The following RIMS1 variants were observed in gnomAD, a reference collection of about 807,000 sequenced individuals.
RIMS1 encodes the protein regulating synaptic membrane exocytosis 1.
A neutral mutation model predicts 214.1 loss-of-function variants in RIMS1; 83 were observed. The observed-to-expected ratio is 0.39, with a 90% CI of 0.32 to 0.47. The LOEUF (loss-of-function observed/expected upper bound fraction) is 0.47. Ranked by LOEUF, RIMS1 falls within the 20% of genes least tolerant of loss-of-function variation. The probability of loss-of-function intolerance (pLI) is 0.99; values close to 1 mark genes in which losing one functional copy is unlikely to be tolerated. For missense variants in RIMS1, 2,050 were observed against 2,161.8 expected (o/e 0.95, Z 1.03); for synonymous variants, 793 against 786.8 (o/e 1.01, Z -0.13).
At position 72,013,628 on chromosome 6, in the gene RIMS1, T is replaced by A. The variant is rs187343168; in HGVS notation, c.245+44565T>A. The stretch of plus-strand genomic sequence containing the variant: ...GCAGTGACGTTTATAAGGCTAGGTC[T>A]GTCATTTTACTTCTTGGCTCAGTTT... On this transcript the variant is annotated intron_variant, in intron 2 of 33. Transcript: ENST00000521978. Among the ~76,000 whole-genome samples, 799 of 152,326 alleles carry A rather than the reference T, an allele frequency of 5.2e-3. 4 individuals carry two copies. Among genetic ancestry groups the A allele is most frequent in the Middle Eastern group, 0.01 (3 of 294 alleles).
chr6:72,054,046 G>C (rs1041473586), intron 2 of RIMS1, among the ~76,000 whole-genome samples: 2 of 152,000 alleles, frequency 1.3e-5, no homozygotes, highest in African/African-American at 4.8e-5. Flanking sequence ...GCATGCATTA[G>C]CTATTTGTCC....
At chr6:72,274,767 A>G (rs937962968) in intron 23 of RIMS1, among the ~76,000 whole-genome samples, 3 of 152,146 alleles carry the variant, frequency 2.0e-5, no homozygotes, top group African/African-American at 7.2e-5. Context: ...GCTTTAGAGT[A>G]TATTAAAATC....
chr6:72,122,919 A>G (rs889505875), intron 4 of RIMS1, among the ~76,000 whole-genome samples: 14 of 151,536 alleles, frequency 9.2e-5, no homozygotes, highest in African/African-American at 2.7e-4. Context: ...TTTTCGAAAA[A>G]CCAGCTCCTG....
chr6:72,239,039 G>T (rs2065534809), intron 9 of RIMS1, among the ~76,000 whole-genome samples: 1 of 151,984 alleles, frequency 6.6e-6, no homozygotes, highest in South Asian at 2.1e-4. Flanking sequence ...TTCTTATGAA[G>T]GACCAGTTAT....
rs146317847 is a variant in RIMS1, at chr6:72,051,694, A to G, written c.246-45255A>G. Reference sequence around the variant, plus strand: ...CTTGGTATCAACTACAAGACAGTAAATCACTGACCCCAGAGATGGTAAGAT... The same window carrying G: ...CTTGGTATCAACTACAAGACAGTAAGTCACTGACCCCAGAGATGGTAAGAT... On this transcript the variant is annotated intron_variant, in intron 2 of 33. Transcript: ENST00000521978. Among the ~76,000 whole-genome samples, 260 of 152,292 alleles carry G rather than the reference A, an allele frequency of 1.7e-3. 2 individuals carry two copies. The highest frequency in any genetic ancestry group is 3.1e-3 in the Non-Finnish European group (211 of 68,012).
chr6:72,216,720 C>T, intron 6 of RIMS1: 1 of 985,964 alleles, frequency 1.0e-6, no homozygotes, highest in Non-Finnish European at 1.2e-6. Flanking sequence ...TCAGTGGGAA[C>T]AAGATGAGCT....
chr6:72,333,757 C>T lies in RIMS1; in HGVS notation c.4288C>T (p.Arg1430Trp), dbSNP rs754285811. 5 of 1,599,460 alleles carry T rather than the reference C, an allele frequency of 3.1e-6. No individual in the cohort carries two copies. The highest frequency in any genetic ancestry group is 1.7e-5 in the Admixed American group (1 of 58,018). Residue 1430 changes from arginine to tryptophan, a missense_variant, in exon 29 of 34, where the codon CGG becomes TGG. Arg to Trp is a moderately radical substitution (Grantham distance 101). Coordinates refer to ENST00000521978, the MANE Select transcript of RIMS1 (RefSeq NM_014989.7). ...TACAGTTGGAGCAGGTGGAAAGAAACGGAGATCCAGCCTTAGTGCCAAAGT... is the reference window on the plus strand; with the variant it reads ...TACAGTTGGAGCAGGTGGAAAGAAATGGAGATCCAGCCTTAGTGCCAAAGT... Reference protein sequence around the residue: ...VGTVGAGGKKRRSSLSAKVVA... With the variant: ...VGTVGAGGKKWRSSLSAKVVA...
intron 1 of RIMS1, among the ~76,000 whole-genome samples, chr6:71,912,657 G>A (rs758911949): frequency 5.3e-5 from 8 of 152,022 alleles, no homozygotes; most frequent in East Asian, 1.9e-4. Flanking sequence ...AAGAGGTCTC[G>A]ATGAAACATT....
At chr6:71,921,439 T>C (rs1779957798) in intron 1 of RIMS1, among the ~76,000 whole-genome samples, 2 of 152,286 alleles carry the variant, frequency 1.3e-5, no homozygotes, top group African/African-American at 4.8e-5. Context: ...AGCTACTTTC[T>C]TGTCAAAGGG....
At chr6:72,068,744 T>G (rs1289264839) in intron 2 of RIMS1, among the ~76,000 whole-genome samples, 2 of 151,806 alleles carry the variant, frequency 1.3e-5, no homozygotes, top group East Asian at 3.9e-4. Flanking sequence ...ACCCCATCTC[T>G]CCTAAAAATA....
intron 4 of RIMS1, among the ~76,000 whole-genome samples, chr6:72,105,607 G>A (rs1464906344): frequency 6.6e-6 from 1 of 152,030 alleles, no homozygotes; most frequent in East Asian, 1.9e-4. Context: ...AATATGCAAT[G>A]CAGATAATAA....
intron 4 of RIMS1, among the ~76,000 whole-genome samples, chr6:72,162,848 A>G (rs1475521788): frequency 7.2e-6 from 1 of 139,468 alleles, no homozygotes; most frequent in East Asian, 2.0e-4. Flanking sequence ...ACTTTGGTGA[A>G]TCTGACAATT....
Position 72,096,975 on chromosome 6 carries a change from A to G in RIMS1, c.272A>G (p.Tyr91Cys). The G allele has an allele frequency of 2.5e-6, 4 of 1,613,750 alleles. No individual in the cohort carries two copies. The highest frequency in any genetic ancestry group is 2.2e-5 in the South Asian group (2 of 91,030). ...SPRLHQQFES[Y>C]KEQVRKIGEE... ...AGATTGCATCAACAGTTTGAAAGCT[A>G]TAAGGAACAAGTGAGAAAAATAGGG... Residue 91 changes from tyrosine (Y) to cysteine (C), a missense_variant, in exon 3 of 34, where the codon TAT becomes TGT. Transcript: ENST00000521978.
rs568758893 is a variant in RIMS1, at chr6:72,267,750, TATA to T, written c.3398+1703_3398+1705del. Among the ~76,000 whole-genome samples the T allele has an allele frequency of 1.1e-3, 162 of 152,262 alleles. 1 individual carries two copies. In the South Asian group the frequency reaches 0.028, roughly 26 times the overall value. The stretch of plus-strand genomic sequence containing the variant: ...CTTGTGACACTGAAGCCACAGAGTT[TATA>T]AATCTCCATGTTGGCAAATTTAATC... On this transcript the variant is annotated intron_variant, in intron 22 of 33. Coordinates refer to ENST00000521978, the MANE Select transcript of RIMS1 (RefSeq NM_014989.7).
At chr6:72,123,734 C>A (rs999293330) in intron 4 of RIMS1, among the ~76,000 whole-genome samples, 3 of 151,824 alleles carry the variant, frequency 2.0e-5, no homozygotes, top group Admixed American at 1.3e-4. Flanking sequence ...TAATGGCCTT[C>A]TTTGTCTCTT....
intron 1 of RIMS1, among the ~76,000 whole-genome samples, chr6:71,930,403 T>C (rs1323733693): frequency 6.6e-6 from 1 of 152,014 alleles, no homozygotes; most frequent in Admixed American, 6.6e-5. Context: ...TAAAACTTGG[T>C]ATCATTTTTG....
chr6:72,064,632 C>T (rs1311612341), intron 2 of RIMS1, among the ~76,000 whole-genome samples: 1 of 152,202 alleles, frequency 6.6e-6, no homozygotes, highest in South Asian at 2.1e-4. Flanking sequence ...GATTTAACCT[C>T]ACTGGACTTC....
chr6:72,208,833 C>A (rs1029527332), intron 6 of RIMS1, among the ~76,000 whole-genome samples: 3 of 152,116 alleles, frequency 2.0e-5, no homozygotes, highest in African/African-American at 7.2e-5. Flanking sequence ...GAAAAATTCC[C>A]TACTCAACCC....
chr6:72,163,182 A>G (rs1045268637), intron 4 of RIMS1, among the ~76,000 whole-genome samples: 3 of 139,808 alleles, frequency 2.1e-5, no homozygotes, highest in African/African-American at 7.4e-5. Flanking sequence ...CGAATCGGCT[A>G]CTGAGGCTTC....
Sources: gnomAD v4.1 joint callset for allele counts (sites outside exome capture counted in the v4.1 genomes callset) on GRCh38, gnomAD v4.1.1 for gene constraint, MANE v1.5 for transcripts, NCBI Gene and HGNC (gene_info 2026-07-23, HGNC 2026-07-21) for gene names.